ARHGAP28: variants seen among roughly 807,000 people sequenced by gnomAD.
The protein encoded by ARHGAP28 is rho GTPase-activating protein 28.
Under a neutral mutation model 90.7 loss-of-function variants are expected in ARHGAP28, and 56 were observed. The observed-to-expected ratio is 0.62, with a 90% confidence interval of 0.50 to 0.77. The LOEUF (loss-of-function observed/expected upper bound fraction) is 0.77, where lower values mean the gene tolerates loss of function less well. ARHGAP28 is among the 30% of genes least tolerant of loss of function. ARHGAP28 has a pLI of 0.00. For synonymous variants in ARHGAP28, 308 were observed against 323.3 expected (o/e 0.95, Z 0.51); for missense variants, 869 against 900.9 (o/e 0.96, Z 0.45).
chr18:6,834,528 A>T (rs1031193375), intron 2 of ARHGAP28: 3 of 152,204 alleles, frequency 2.0e-5, no homozygotes, highest in African/African-American at 7.2e-5. Context: ...TGGTATAAGC[A>T]TGTCCAGAAA....
intron 1 of ARHGAP28, among the ~76,000 whole-genome samples, chr18:6,750,650 G>A (rs531126252): frequency 6.6e-6 from 1 of 152,204 alleles, no homozygotes; most frequent in African/African-American, 2.4e-5. Flanking sequence ...GATGGTGGAG[G>A]ACATCACATG....
chr18:6,896,510 G>A lies in ARHGAP28; in HGVS notation c.1914G>A (p.Val638=). The part of the protein sequence containing the change: ...KSPSARRMSD[V]PEGVIRVHAP... ...TTTCTCCTCCTTGGCAGTCTGACGT[G>A]CCGGAAGGAGTCATACGGGTCCATG... Residue 638 remains valine (V), a synonymous_variant, in exon 16 of 18, where the codon GTG becomes GTA. Transcript: ENST00000383472. 2 of 1,614,036 alleles carry A rather than the reference G, an allele frequency of 1.2e-6. No individual in the cohort carries two copies. Among genetic ancestry groups the A allele is most frequent in the Non-Finnish European group, 1.7e-6 (2 of 1,179,962 alleles).
At chr18:6,876,276 G>A (rs527713750) in intron 10 of ARHGAP28, 68 bp downstream of exon 10, 29 of 1,159,078 alleles carry the variant, frequency 2.5e-5, no homozygotes, top group South Asian at 2.2e-4. Context: ...CACAAGCATC[G>A]GGGATCCAGA....
intron 1 of ARHGAP28, among the ~76,000 whole-genome samples, chr18:6,824,009 G>A (rs762103878): frequency 2.0e-5 from 3 of 152,072 alleles, no homozygotes; most frequent in Non-Finnish European, 4.4e-5. Context: ...TTCTCTACCT[G>A]TTCACCAACG....
rs1008291449 is a variant in ARHGAP28, at chr18:6,824,864, C to G, written c.225C>G (p.Ser75Arg). Residue 75 changes from serine (S) to arginine (R), a missense_variant, in exon 2 of 18, where the codon AGC becomes AGG. By Grantham distance (110) the Ser-to-Arg change is moderately radical. Transcript: ENST00000383472. ...CCAACTCAGAAGCCTCCGTAGACAG[C>G]GCCTCCATGGAGGATTTCTGGCGGG... is the stretch of plus-strand genomic sequence containing the variant. ...SRSNSEASVD[S>R]ASMEDFWREI... 6.5e-7 allele frequency: 1 copy of G among 1,536,136 alleles called. No homozygotes were observed.
chr18:6,752,748 A>G (rs1356340100), intron 1 of ARHGAP28, among the ~76,000 whole-genome samples: 1 of 152,098 alleles, frequency 6.6e-6, no homozygotes, highest in Admixed American at 6.5e-5. Context: ...TCTCAGCTTA[A>G]GAGTATGGAC....
chr18:6,836,528 T>C (rs1448957562), intron 2 of ARHGAP28, among the ~76,000 whole-genome samples: 2 of 152,054 alleles, frequency 1.3e-5, no homozygotes, highest in Non-Finnish European at 1.5e-5. Context: ...AGGCAGGTTG[T>C]ATCCAGCTGT....
chr18:6,850,921 T>C (rs1351260915), intron 3 of ARHGAP28, 113 bp from the exon 4 acceptor site: 2 of 1,537,262 alleles, frequency 1.3e-6, no homozygotes, highest in Non-Finnish European at 1.8e-6. Flanking sequence ...ATTGTATATA[T>C]CTCCAGGCAG....
chr18:6,821,464 T>C (rs189632381), intron 1 of ARHGAP28, among the ~76,000 whole-genome samples: 1 of 152,174 alleles, frequency 6.6e-6, no homozygotes. Context: ...TCTCCTAATA[T>C]GGTGAGGTAT....
intron 3 of ARHGAP28, among the ~76,000 whole-genome samples, chr18:6,843,129 T>C (rs1049573320): frequency 1.3e-5 from 2 of 152,232 alleles, no homozygotes; most frequent in African/African-American, 2.4e-5. Context: ...TGTCTATTAA[T>C]GTGCCTGGCA....
At chr18:6,809,859 A>G (rs186876714) in intron 1 of ARHGAP28, among the ~76,000 whole-genome samples, 4 of 152,280 alleles carry the variant, frequency 2.6e-5, no homozygotes, top group Admixed American at 2.6e-4. Flanking sequence ...GATTTGCAGT[A>G]CCTAGAATGG....
intron 1 of ARHGAP28, among the ~76,000 whole-genome samples, chr18:6,806,911 ATGT>A (rs1435397357): frequency 8.5e-5 from 13 of 152,168 alleles, no homozygotes; most frequent in African/African-American, 2.9e-4. Flanking sequence ...TACTTAAAAG[ATGT>A]TGTTATGCTA....
Position 6,760,355 on chromosome 18 carries a change from A to G in ARHGAP28, c.122+30412A>G, listed in dbSNP as rs192071638. On this transcript the variant is annotated intron_variant, in intron 1 of 17. Coordinates refer to ENST00000383472, the MANE Select transcript of ARHGAP28 (RefSeq NM_001366230.1). ...CTCTTATCCTACAAACCAGACTACA[A>G]TCCCCATCACACCAAGAAATTCTTA... Among the ~76,000 whole-genome samples, 5 of 152,342 alleles carry G rather than the reference A, an allele frequency of 3.3e-5. No homozygotes were observed. The East Asian group carries it at 7.7e-4, about 24-fold the overall frequency.
intron 16 of ARHGAP28, among the ~76,000 whole-genome samples, chr18:6,902,997 T>A (rs2057345745): frequency 6.6e-6 from 1 of 152,174 alleles, no homozygotes; most frequent in Admixed American, 6.5e-5. Context: ...AGGAAAGAAA[T>A]TCTGACATAT....
At chr18:6,903,755 G>A (rs1363574950) in intron 16 of ARHGAP28, among the ~76,000 whole-genome samples, 1 of 150,356 alleles carries the variant, frequency 6.7e-6, no homozygotes, top group East Asian at 2.0e-4. Context: ...CTTGAACCCG[G>A]GAGGCGGAGG....
intron 1 of ARHGAP28, among the ~76,000 whole-genome samples, chr18:6,784,469 C>A (rs957975535): frequency 1.3e-5 from 2 of 152,146 alleles, no homozygotes. Flanking sequence ...GCCCTGTCTC[C>A]AACCACCTTC....
intron 16 of ARHGAP28, among the ~76,000 whole-genome samples, chr18:6,906,471 T>C (rs2057365382): frequency 6.6e-6 from 1 of 152,216 alleles, no homozygotes; most frequent in Non-Finnish European, 1.5e-5. Context: ...TTTCTGTCTC[T>C]CTGAATTTGA....
intron 16 of ARHGAP28, chr18:6,898,408 C>T (rs1391840802): frequency 8.7e-7 from 1 of 1,147,306 alleles, no homozygotes; most frequent in Non-Finnish European, 1.3e-6. Context: ...TACACACACA[C>T]ATTAACCCGT....
rs139872753 is a variant in ARHGAP28, at chr18:6,836,857, A to G, written c.326-340A>G. Among the ~76,000 whole-genome samples the G allele has an allele frequency of 2.0e-3, 303 of 152,290 alleles. 2 individuals are homozygous for G. The highest frequency in any genetic ancestry group is 7.0e-3 in the African/African-American group (290 of 41,558). ...TGATTGAAAAACCAATTTGTATTCC[A>G]TTAAGTAATGGGTTTTTTCTATTAT... On this transcript the variant is annotated intron_variant, in intron 2 of 17. Coordinates refer to ENST00000383472, the MANE Select transcript of ARHGAP28 (RefSeq NM_001366230.1).
Sources: allele counts gnomAD v4.1 joint callset (sites outside exome capture counted in the v4.1 genomes callset), GRCh38; gene constraint gnomAD v4.1.1; transcripts MANE v1.5; gene names NCBI Gene and HGNC (gene_info 2026-07-23, HGNC 2026-07-21).